The following DNAJC1 variants were observed in gnomAD, a reference collection of about 807,000 sequenced individuals.
DNAJC1 encodes DnaJ heat shock protein family (Hsp40) member C1, also known as dnaJ homolog subfamily C member 1.
A neutral mutation model predicts 76.6 loss-of-function variants in DNAJC1; 58 were observed. The ratio of observed to expected loss-of-function variants is 0.76; its 90% CI spans 0.61 to 0.94. The LOEUF is 0.94. Ranked by LOEUF, DNAJC1 falls within the 40% of genes least tolerant of loss-of-function variation. The pLI is 0.00. For synonymous variants in DNAJC1, 258 were observed against 267.9 expected, an observed-to-expected ratio of 0.96 and a Z score of 0.36; for missense variants, 689 against 677.3, an observed-to-expected ratio of 1.02 and a Z score of -0.19.
At chr10:21,793,359 T>C (rs569809069) in intron 9 of DNAJC1, among the ~76,000 whole-genome samples, 2 of 152,150 alleles carry the variant, frequency 1.3e-5, no homozygotes, top group African/African-American at 4.8e-5. Context: ...GCTAAAATAA[T>C]ACTTAATGGT....
intron 6 of DNAJC1, among the ~76,000 whole-genome samples, chr10:21,910,650 A>T (rs1212596151): frequency 6.6e-6 from 1 of 152,010 alleles, no homozygotes; most frequent in Non-Finnish European, 1.5e-5. Context: ...AACACACATC[A>T]GGGCCTGTGG....
chr10:21,970,141 G>C (rs1837955056), intron 1 of DNAJC1, among the ~76,000 whole-genome samples: 1 of 151,848 alleles, frequency 6.6e-6, no homozygotes, highest in Non-Finnish European at 1.5e-5. Context: ...TTTCTTGACT[G>C]GAAAAAATTA....
chr10:21,813,333 A>G (rs1339119439), intron 8 of DNAJC1, among the ~76,000 whole-genome samples: 3 of 150,058 alleles, frequency 2.0e-5, no homozygotes, highest in East Asian at 1.9e-4. Flanking sequence ...AAGCGGCCCA[A>G]TGGATAGGCA....
intron 1 of DNAJC1, among the ~76,000 whole-genome samples, chr10:21,959,511 C>T (rs1003827371): frequency 2.0e-5 from 3 of 151,994 alleles, no homozygotes; most frequent in African/African-American, 7.2e-5. Context: ...AGAAATCCGG[C>T]CAAGCACTGT....
At chr10:22,001,850 A>C (rs1249251089) in intron 1 of DNAJC1, among the ~76,000 whole-genome samples, 1 of 152,192 alleles carries the variant, frequency 6.6e-6, no homozygotes, top group Non-Finnish European at 1.5e-5. Flanking sequence ...TCAGAGCTTC[A>C]CTAATTATTT....
At chr10:21,786,033 C>T (rs1468802384) in intron 9 of DNAJC1, among the ~76,000 whole-genome samples, 4 of 151,986 alleles carry the variant, frequency 2.6e-5, no homozygotes, top group Non-Finnish European at 5.9e-5. Context: ...TGCTTTTGGA[C>T]GAGTAGATTC....
chr10:21,808,967 T>C (rs560064337), intron 8 of DNAJC1, among the ~76,000 whole-genome samples: 4 of 152,290 alleles, frequency 2.6e-5, no homozygotes, highest in South Asian at 4.1e-4. Flanking sequence ...GTTTTCAAAT[T>C]ATTAAATATT....
chr10:21,817,470 C>G (rs1835094357), intron 8 of DNAJC1, among the ~76,000 whole-genome samples: 1 of 151,696 alleles, frequency 6.6e-6, no homozygotes, highest in South Asian at 2.1e-4. Context: ...TTCCAGTGCT[C>G]TATAAAAGTT....
At chr10:21,912,137 C>T (rs1432097802) in intron 6 of DNAJC1, among the ~76,000 whole-genome samples, 2 of 152,048 alleles carry the variant, frequency 1.3e-5, no homozygotes, top group African/African-American at 2.4e-5. Context: ...TTCTAGTTAT[C>T]GACCTGGGGC....
At chr10:21,797,307 G>A (rs2131637529) in intron 9 of DNAJC1, among the ~76,000 whole-genome samples, 1 of 152,180 alleles carries the variant, frequency 6.6e-6, no homozygotes, top group South Asian at 2.1e-4. Flanking sequence ...TGGTCTATGT[G>A]TCTGTCTTTA....
intron 10 of DNAJC1, among the ~76,000 whole-genome samples, chr10:21,759,822 A>C (rs1464363036): frequency 2.0e-4 from 31 of 152,238 alleles, no homozygotes; most frequent in Admixed American, 2.0e-3. Context: ...CTCAGAAAGC[A>C]CTAGAGTGGG....
At chr10:21,759,139 C>T (rs1231969842) in intron 11 of DNAJC1, 31 bp downstream of exon 11, 21 of 1,589,370 alleles carry the variant, frequency 1.3e-5, no homozygotes, top group Non-Finnish European at 1.8e-5. Context: ...ATTCTAACAC[C>T]TGTGCAGAGG....
chr10:21,951,518 C>T (rs918571363), intron 1 of DNAJC1, among the ~76,000 whole-genome samples: 1 of 150,678 alleles, frequency 6.6e-6, no homozygotes, highest in Non-Finnish European at 1.5e-5. Context: ...ATTCGTTTTC[C>T]CTTAAAAAAA....
At chr10:21,799,750 C>G (rs1024603359) in intron 9 of DNAJC1, among the ~76,000 whole-genome samples, 29 of 152,094 alleles carry the variant, frequency 1.9e-4, no homozygotes, top group Non-Finnish European at 7.4e-5. Context: ...CCATGTTGTC[C>G]TCTTCGATTT....
chr10:21,779,283 A>G (rs928874622), intron 9 of DNAJC1, among the ~76,000 whole-genome samples: 3 of 152,214 alleles, frequency 2.0e-5, no homozygotes, highest in Admixed American at 1.3e-4. Context: ...ATATGAAAAC[A>G]GACAGACTGC....
intron 6 of DNAJC1, among the ~76,000 whole-genome samples, chr10:21,907,003 C>A (rs1325053597): frequency 6.6e-6 from 1 of 152,080 alleles, no homozygotes; most frequent in Non-Finnish European, 1.5e-5. Flanking sequence ...CTTATGTGAC[C>A]TTTTTAATTG....
chr10:21,904,032 T>A (rs1033027478), intron 7 of DNAJC1, among the ~76,000 whole-genome samples: 1 of 152,336 alleles, frequency 6.6e-6, no homozygotes, highest in Admixed American at 6.5e-5. Context: ...ACTGTCTTTG[T>A]GTTCAATGGA....
chr10:21,911,082 A>AGGAAGGAAGGCG, intron 6 of DNAJC1, among the ~76,000 whole-genome samples: 1 of 125,024 alleles, frequency 8.0e-6, no homozygotes, highest in Non-Finnish European at 1.8e-5. Flanking sequence ...GAAGGAAGGA[A>AGGAAGGAAGGCG]GGAAGGCGGG....
intron 1 of DNAJC1, among the ~76,000 whole-genome samples, chr10:21,990,589 T>C (rs1388955793): frequency 6.6e-6 from 1 of 152,198 alleles, no homozygotes; most frequent in East Asian, 1.9e-4. Context: ...CTTAACAGGT[T>C]GTTTCATAAT....
Sources: allele counts gnomAD v4.1 joint callset (sites outside exome capture counted in the v4.1 genomes callset), GRCh38; gene constraint gnomAD v4.1.1; transcripts MANE v1.5; gene names NCBI Gene and HGNC (gene_info 2026-07-23, HGNC 2026-07-21).